The following CTNNA3 variants were observed in gnomAD, a reference collection of about 807,000 sequenced individuals.
CTNNA3 encodes the protein catenin alpha 3.
In CTNNA3, 76 loss-of-function variants were observed where a neutral mutation model predicts 95.7. The ratio of observed to expected loss-of-function variants is 0.79; its 90% CI spans 0.66 to 0.96. The LOEUF is 0.96. CTNNA3 is among the 40% of genes least tolerant of loss of function. CTNNA3 has a pLI of 0.00. For synonymous variants in CTNNA3, 431 were observed against 374.4 expected, an observed-to-expected ratio of 1.15 and a Z score of -1.74; for missense variants, 1,191 against 1,089.8, an observed-to-expected ratio of 1.09 and a Z score of -1.31.
chr10:67,654,636 C>T (rs74142881), intron 1 of CTNNA3, among the ~76,000 whole-genome samples: 18,601 of 151,954 alleles, frequency 0.12, 2,106 homozygotes, highest in East Asian at 0.43. Context: ...CACAGGCGCG[C>T]ACCACCACAC....
chr10:67,361,608 G>T (rs920998788), intron 5 of CTNNA3, among the ~76,000 whole-genome samples: 1 of 152,070 alleles, frequency 6.6e-6, no homozygotes, highest in Non-Finnish European at 1.5e-5. Flanking sequence ...AAAATCTGTG[G>T]GATGCAGCAA....
chr10:66,347,585 G>A (rs1387464882), intron 12 of CTNNA3, among the ~76,000 whole-genome samples: 1 of 151,922 alleles, frequency 6.6e-6, no homozygotes, highest in Non-Finnish European at 1.5e-5. Flanking sequence ...CTGTACTCTT[G>A]CCTGAGTGAC....
intron 9 of CTNNA3, among the ~76,000 whole-genome samples, chr10:66,629,755 T>A (rs1845067283): frequency 6.6e-6 from 1 of 152,106 alleles, no homozygotes; most frequent in African/African-American, 2.4e-5. Flanking sequence ...CTTTTATGTA[T>A]CAATGCTTGC....
intron 7 of CTNNA3, among the ~76,000 whole-genome samples, chr10:67,038,870 TAATA>T (rs924570966): frequency 3.7e-4 from 57 of 152,046 alleles, no homozygotes; most frequent in Non-Finnish European, 1.2e-4. Flanking sequence ...TATGTTATAA[TAATA>T]CATACAAATT....
At chr10:66,470,335 T>C (rs1839081562) in intron 11 of CTNNA3, among the ~76,000 whole-genome samples, 1 of 151,864 alleles carries the variant, frequency 6.6e-6, no homozygotes, top group African/African-American at 2.4e-5. Context: ...AAATTGTAAT[T>C]GCAAGGAGTC....
At chr10:66,087,465 C>A (rs992569301) in intron 14 of CTNNA3, among the ~76,000 whole-genome samples, 2 of 152,120 alleles carry the variant, frequency 1.3e-5, no homozygotes, top group Non-Finnish European at 2.9e-5. Context: ...AAACACCCTA[C>A]AATGCACAGG....
intron 12 of CTNNA3, among the ~76,000 whole-genome samples, chr10:66,322,832 T>G (rs553511383): frequency 6.6e-5 from 10 of 152,098 alleles, no homozygotes; most frequent in African/African-American, 1.9e-4. Context: ...CCCTTTTCAC[T>G]AGATACACCG....
At chr10:66,387,773 G>A (rs1303656977) in intron 11 of CTNNA3, among the ~76,000 whole-genome samples, 1 of 152,142 alleles carries the variant, frequency 6.6e-6, no homozygotes, top group African/African-American at 2.4e-5. Context: ...CCATAAAACA[G>A]GATGAGTTCA....
intron 1 of CTNNA3, among the ~76,000 whole-genome samples, chr10:67,684,390 G>A (rs560214996): frequency 6.6e-6 from 1 of 152,318 alleles, no homozygotes; most frequent in African/African-American, 2.4e-5. Flanking sequence ...ACAGAGTGCT[G>A]ACTGGTGCGT....
chr10:66,921,260 A>G (rs1846771601), intron 7 of CTNNA3, among the ~76,000 whole-genome samples: 1 of 152,126 alleles, frequency 6.6e-6, no homozygotes, highest in Non-Finnish European at 1.5e-5. Flanking sequence ...CTCCAATACC[A>G]TGACCTAATT....
chr10:66,943,315 G>A (rs1848113182), intron 7 of CTNNA3, among the ~76,000 whole-genome samples: 1 of 152,152 alleles, frequency 6.6e-6, no homozygotes, highest in African/African-American at 2.4e-5. Flanking sequence ...TAATGACTTT[G>A]AAGTGTTAAA....
At chr10:66,370,930 C>T (rs1163162519) in intron 12 of CTNNA3, among the ~76,000 whole-genome samples, 1 of 151,998 alleles carries the variant, frequency 6.6e-6, no homozygotes, top group African/African-American at 2.4e-5. Flanking sequence ...ACTATGTTGC[C>T]TAGGCTGATC....
chr10:67,466,322 TACA>T (rs1473799625), intron 5 of CTNNA3, among the ~76,000 whole-genome samples: 3 of 152,194 alleles, frequency 2.0e-5, no homozygotes, highest in African/African-American at 4.8e-5. Flanking sequence ...TGGAAAACAA[TACA>T]ACAAGTTTTT....
At chr10:67,583,003 C>T (rs1193645783) in intron 3 of CTNNA3, among the ~76,000 whole-genome samples, 2 of 152,034 alleles carry the variant, frequency 1.3e-5, no homozygotes, top group Non-Finnish European at 1.5e-5. Flanking sequence ...TGGGTCTTGA[C>T]TCTTTACCCA....
chr10:66,623,668 C>G (rs1260116594), intron 9 of CTNNA3, among the ~76,000 whole-genome samples: 12 of 151,942 alleles, frequency 7.9e-5, no homozygotes, highest in Non-Finnish European at 1.6e-4. Flanking sequence ...CCTGCACATA[C>G]TTGAACTTCT....
intron 7 of CTNNA3, chr10:67,098,026 T>C (rs970257548): frequency 1.3e-5 from 7 of 535,180 alleles, no homozygotes; most frequent in East Asian, 3.1e-5. Flanking sequence ...AAACAGAGTA[T>C]GACCCTGAAA....
intron 1 of CTNNA3, among the ~76,000 whole-genome samples, chr10:67,688,238 C>T (rs953792640): frequency 4.4e-4 from 67 of 152,126 alleles, no homozygotes; most frequent in Non-Finnish European, 6.5e-4. Flanking sequence ...GGCCAAATTC[C>T]CCTCCCCCTA....
chr10:66,919,238 C>T (rs565264077), intron 7 of CTNNA3, among the ~76,000 whole-genome samples: 180 of 150,782 alleles, frequency 1.2e-3, no homozygotes, highest in African/African-American at 4.1e-3. Context: ...TGAGTATCGA[C>T]GAAATAAAAT....
intron 12 of CTNNA3, among the ~76,000 whole-genome samples, chr10:66,363,434 T>C (rs897936010): frequency 5.3e-5 from 8 of 152,168 alleles, no homozygotes; most frequent in Admixed American, 5.2e-4. Context: ...CTCCATCATG[T>C]AGAGACAGCA....
Sources: allele counts gnomAD v4.1 joint callset (sites outside exome capture counted in the v4.1 genomes callset), GRCh38; gene constraint gnomAD v4.1.1; transcripts MANE v1.5; gene names NCBI Gene and HGNC (gene_info 2026-07-23, HGNC 2026-07-21).